CPNE8: variants seen among roughly 807,000 people sequenced by gnomAD.
CPNE8 encodes the protein copine 8.
Under a neutral mutation model 81.5 loss-of-function variants are expected in CPNE8, and 45 were observed. The observed-to-expected ratio is 0.55, with a 90% CI of 0.44 to 0.71. CPNE8 has a LOEUF of 0.71. Among genes scored for constraint, CPNE8 ranks in the 30% least tolerant of loss-of-function variants. The pLI is 0.00. For synonymous variants in CPNE8, 252 were observed against 226.3 expected, an observed-to-expected ratio of 1.11 and a Z score of -1.02; for missense variants, 594 against 672.1, an observed-to-expected ratio of 0.88 and a Z score of 1.28.
chr12:38,708,774 T>A (rs1049705166), intron 13 of CPNE8, among the ~76,000 whole-genome samples: 2 of 152,154 alleles, frequency 1.3e-5, no homozygotes, highest in Admixed American at 6.5e-5. Context: ...TATGTGAGTA[T>A]CAAAGAAAAC....
At chr12:38,777,076 T>A (rs757670967) in intron 6 of CPNE8, among the ~76,000 whole-genome samples, 6 of 149,932 alleles carry the variant, frequency 4.0e-5, no homozygotes, top group Non-Finnish European at 8.9e-5. Context: ...ATTTAGGTCC[T>A]GCAGATGTTC....
chr12:38,751,843 T>C (rs2136825091), intron 10 of CPNE8, among the ~76,000 whole-genome samples: 2 of 152,318 alleles, frequency 1.3e-5, no homozygotes, highest in Admixed American at 1.3e-4. Flanking sequence ...ATAACATCAC[T>C]TTTTACCATT....
chr12:38,842,492 T>A (rs970241690), intron 4 of CPNE8, among the ~76,000 whole-genome samples: 1 of 151,876 alleles, frequency 6.6e-6, no homozygotes, highest in Non-Finnish European at 1.5e-5. Flanking sequence ...CATTATCTCA[T>A]AGGTAATTTA....
chr12:38,672,182 T>C (rs575849156), intron 18 of CPNE8, among the ~76,000 whole-genome samples: 212 of 152,262 alleles, frequency 1.4e-3, no homozygotes, highest in African/African-American at 4.9e-3. Context: ...ATACACATGC[T>C]AAAATGGGAA....
chr12:38,724,338 A>AT (rs1254447272), intron 12 of CPNE8, among the ~76,000 whole-genome samples: 3 of 144,394 alleles, frequency 2.1e-5, no homozygotes, highest in Non-Finnish European at 3.0e-5. Flanking sequence ...ACTCTGCAGT[A>AT]TTTTTTCTTA....
intron 6 of CPNE8, among the ~76,000 whole-genome samples, chr12:38,779,240 G>A (rs1174319786): frequency 2.6e-5 from 4 of 152,086 alleles, no homozygotes; most frequent in Non-Finnish European, 5.9e-5. Context: ...GAAGCTTAAA[G>A]TGAAGTCAGA....
At chr12:38,816,596 TGAAA>T (rs1336679356) in intron 6 of CPNE8, among the ~76,000 whole-genome samples, 1 of 152,024 alleles carries the variant, frequency 6.6e-6, no homozygotes, top group African/African-American at 2.4e-5. Flanking sequence ...AAAAATAGTA[TGAAA>T]GAAAGGGGAG....
intron 3 of CPNE8, among the ~76,000 whole-genome samples, chr12:38,868,945 A>C (rs58670318): frequency 0.04 from 6,083 of 152,254 alleles, 438 homozygotes; most frequent in East Asian, 0.32. Flanking sequence ...ATGTAGATAA[A>C]AAAGCAATTT....
intron 6 of CPNE8, among the ~76,000 whole-genome samples, chr12:38,787,639 C>T (rs1005916396): frequency 1.5e-4 from 23 of 151,268 alleles, no homozygotes; most frequent in African/African-American, 5.6e-4. Context: ...TACAAAAATA[C>T]AAAAGCTCAA....
intron 10 of CPNE8, among the ~76,000 whole-genome samples, chr12:38,748,667 A>ATT (rs376012133): frequency 0.011 from 1,597 of 150,874 alleles, 20 homozygotes; most frequent in African/African-American, 0.036. Flanking sequence ...CGCCCGGCTA[A>ATT]TTTTTTTTTG....
At chr12:38,674,410 T>C (rs1367283507) in intron 18 of CPNE8, among the ~76,000 whole-genome samples, 1 of 152,132 alleles carries the variant, frequency 6.6e-6, no homozygotes, top group Non-Finnish European at 1.5e-5. Flanking sequence ...AAGCAAATAG[T>C]AGCCAAAGAA....
chr12:38,873,263 TAG>T (rs1944018920), intron 2 of CPNE8, among the ~76,000 whole-genome samples: 1 of 152,158 alleles, frequency 6.6e-6, no homozygotes, highest in African/African-American at 2.4e-5. Context: ...GCCAGATCTT[TAG>T]AACTTAGTAT....
At chr12:38,700,308 G>A (rs1272286269) in intron 14 of CPNE8, among the ~76,000 whole-genome samples, 1 of 142,868 alleles carries the variant, frequency 7.0e-6, no homozygotes, top group South Asian at 2.2e-4. Flanking sequence ...GCATGATCTC[G>A]GCTCACTGCA....
intron 6 of CPNE8, among the ~76,000 whole-genome samples, chr12:38,782,838 G>C (rs983432268): frequency 4.6e-5 from 7 of 151,822 alleles, no homozygotes; most frequent in Non-Finnish European, 8.8e-5. Context: ...GTGCCACCAT[G>C]CTCAGCTAAC....
At chr12:38,749,536 T>C (rs1359206274) in intron 10 of CPNE8, among the ~76,000 whole-genome samples, 6 of 152,180 alleles carry the variant, frequency 3.9e-5, no homozygotes, top group Non-Finnish European at 8.8e-5. Context: ...TGAATGGCTT[T>C]CACCAAAAGC....
intron 1 of CPNE8, among the ~76,000 whole-genome samples, chr12:38,891,981 A>C (rs1944320297): frequency 6.6e-6 from 1 of 152,252 alleles, no homozygotes; most frequent in Admixed American, 6.5e-5. Context: ...AGTCAAAATA[A>C]AACAAAAAGA....
chr12:38,821,829 A>G (rs1943114503), intron 6 of CPNE8, among the ~76,000 whole-genome samples: 2 of 152,320 alleles, frequency 1.3e-5, no homozygotes, highest in South Asian at 2.1e-4. Context: ...GAATGAGCTC[A>G]CTCACATTCG....
At chr12:38,758,095 TC>T (rs1429758429) in intron 10 of CPNE8, among the ~76,000 whole-genome samples, 1 of 152,118 alleles carries the variant, frequency 6.6e-6, no homozygotes, top group Non-Finnish European at 1.5e-5. Flanking sequence ...AATTACTATT[TC>T]TTGTTGAAAA....
Position 38,805,868 on chromosome 12 carries a change from AAAG to A in CPNE8, c.407+23508_407+23510del, listed in dbSNP as rs1269885898. Among the ~76,000 whole-genome samples the A allele has an allele frequency of 1.3e-4, 19 of 149,800 alleles. 1 individual carries two copies. The South Asian group carries it at 2.4e-3, about 19-fold the overall frequency. Reference sequence around the variant, plus strand: ...TTGATAGACCACTAGCAAGACTAATAAAGAAGAAGAGAGAAGAATCAAATAGAC... The same window carrying A: ...TTGATAGACCACTAGCAAGACTAATAAAGAAGAGAGAAGAATCAAATAGAC... On this transcript the variant is annotated intron_variant, in intron 6 of 19. Coordinates refer to ENST00000331366, the MANE Select transcript of CPNE8 (RefSeq NM_153634.3).
Sources: allele counts gnomAD v4.1 joint callset (sites outside exome capture counted in the v4.1 genomes callset), GRCh38; gene constraint gnomAD v4.1.1; transcripts MANE v1.5; gene names NCBI Gene and HGNC (gene_info 2026-07-23, HGNC 2026-07-21).